The following KCNN3 variants were observed in gnomAD, a reference collection of about 807,000 sequenced individuals.
The protein encoded by KCNN3 is potassium calcium-activated channel subfamily N member 3, also known as small conductance calcium-activated potassium channel protein 3.
In KCNN3, 16 loss-of-function variants were observed where a neutral mutation model predicts 62.9. That is an observed-to-expected ratio of 0.25 (90% CI 0.17 to 0.39). KCNN3 has a LOEUF of 0.39. Ranked by LOEUF, KCNN3 falls within the 10% of genes least tolerant of loss-of-function variation. The pLI is 1.00. For missense variants in KCNN3, 599 were observed against 949.4 expected, an observed-to-expected ratio of 0.63 and a Z score of 4.85; for synonymous variants, 370 against 389.2, an observed-to-expected ratio of 0.95 and a Z score of 0.58.
intron 1 of KCNN3, among the ~76,000 whole-genome samples, chr1:154,845,461 G>A (rs763359629): frequency 8.5e-5 from 13 of 152,176 alleles, no homozygotes; most frequent in Non-Finnish European, 1.9e-4. Context: ...GCAGATCAGG[G>A]AGAGTGACTC....
At chr1:154,766,681 TTTG>T (rs1185451027) in intron 3 of KCNN3, among the ~76,000 whole-genome samples, 1 of 142,572 alleles carries the variant, frequency 7.0e-6, no homozygotes, top group South Asian at 2.2e-4. Flanking sequence ...TGTTTTGGGG[TTTG>T]TTTTTTTTTT....
In KCNN3 at chr1:154,699,788, C is replaced by T. The variant is rs1489196713; in HGVS notation, c.*8188G>A. 1 of 152,080 alleles carries T rather than the reference C, an allele frequency of 6.6e-6. No individual in the cohort carries two copies. Among genetic ancestry groups the T allele is most frequent in the Non-Finnish European group, 1.5e-5 (1 of 68,022 alleles). 9.4% of individuals were successfully genotyped at this position (152,080 alleles called of 1,614,324 possible). A position where few individuals can be genotyped will look rare whatever the true frequency, so the allele number is the denominator to read the frequency against. On this transcript the variant is annotated 3_prime_UTR_variant, in exon 8 of 8. Transcript: ENST00000271915. ...AGAACACAAGGATCGAGAAACACAA[C>T]AATTTCTGTACTATGCTAAGCAGAG...
intron 1 of KCNN3, among the ~76,000 whole-genome samples, chr1:154,854,005 G>A (rs1471012307): frequency 2.0e-5 from 3 of 152,010 alleles, no homozygotes; most frequent in Non-Finnish European, 4.4e-5. Flanking sequence ...GGAGGCCAAG[G>A]CAGGCAGATC....
intron 5 of KCNN3, among the ~76,000 whole-genome samples, chr1:154,718,193 T>C (rs1458964654): frequency 6.6e-6 from 1 of 152,180 alleles, no homozygotes; most frequent in African/African-American, 2.4e-5. Flanking sequence ...GAGGACCCTT[T>C]GTGAATGGAA....
intron 5 of KCNN3, among the ~76,000 whole-genome samples, chr1:154,720,985 C>T (rs944130618): frequency 6.6e-6 from 1 of 152,106 alleles, no homozygotes; most frequent in South Asian, 2.1e-4. Flanking sequence ...TTAGGCCTGG[C>T]GTCTGGAAGA....
chr1:154,715,393 G>A (rs574598447), intron 5 of KCNN3, among the ~76,000 whole-genome samples: 13 of 129,776 alleles, frequency 1.0e-4, no homozygotes, highest in Non-Finnish European at 1.7e-4. Flanking sequence ...CTGAGATCAC[G>A]CCATACTCCA....
At position 154,864,868 on chromosome 1, in the gene KCNN3, C is replaced by T. The variant is rs553503088; in HGVS notation, c.933+4164G>A. Among the ~76,000 whole-genome samples the T allele has an allele frequency of 1.2e-4, 19 of 152,130 alleles. 3 individuals are homozygous for T. The highest frequency in any genetic ancestry group is 4.1e-4 in the African/African-American group (17 of 41,494). On this transcript the variant is annotated intron_variant, in intron 1 of 7. Transcript: ENST00000271915. ...GAGAGATGCAGACCAGTTTCAAGGC[C>T]GGGCATGGGGAAGTGGCTTGAGGTT...
rs1252956526 is a variant in KCNN3 at position 154,869,825 on chromosome 1, G to T, written c.140C>A (p.Pro47Gln). 19 of 1,562,710 alleles carry T rather than the reference G, an allele frequency of 1.2e-5. No individual in the cohort carries two copies. Among genetic ancestry groups the T allele is most frequent in the Non-Finnish European group, 1.6e-5 (19 of 1,153,196 alleles). Reference sequence around the variant, plus strand: ...CAGGGGCTGCTGGGGGGCTGCTGGTGGCGCTGGCGGTGGTGGCTGCTGCTG... The same window carrying T: ...CAGGGGCTGCTGGGGGGCTGCTGGTTGCGCTGGCGGTGGTGGCTGCTGCTG... ...QQQQQPPPPA[P>Q]PAAPQQPLGP... Residue 47 changes from proline to glutamine, a missense_variant, in exon 1 of 8, where the codon CCA becomes CAA. Pro to Gln is a moderately conservative substitution (Grantham distance 76). Around this residue, in one of 7 missense-constraint regions of KCNN3, gnomAD observed 59 missense variants for 62.4 expected, o/e 0.95. Transcript: ENST00000271915. This position sits in a 1 kb window ranked among gnomAD's most constrained non-coding sequence, Gnocchi z 6.1.
intron 2 of KCNN3, among the ~76,000 whole-genome samples, chr1:154,784,893 G>C (rs551897842): frequency 1.3e-5 from 2 of 152,248 alleles, no homozygotes; most frequent in Non-Finnish European, 2.9e-5. Flanking sequence ...AGGTCATACA[G>C]TTAATAAGGG....
In KCNN3 at chr1:154,702,326, T is replaced by C. The variant is rs1200705982; in HGVS notation, c.*5650A>G. The C allele has an allele frequency of 6.6e-6, 1 of 151,336 alleles. No homozygotes were observed. Among genetic ancestry groups the C allele is most frequent in the Non-Finnish European group, 1.5e-5 (1 of 67,592 alleles). The allele number at this position is 151,336 out of a possible 1,614,324, so 9.4% of individuals were successfully genotyped here. ...TACAATATATTTTATAATATATCAA[T>C]ATATTTCATATTTAAAATAAACTGT... On this transcript the variant is annotated 3_prime_UTR_variant, in exon 8 of 8. Coordinates refer to ENST00000271915, the MANE Select transcript of KCNN3 (RefSeq NM_002249.6).
intron 2 of KCNN3, among the ~76,000 whole-genome samples, chr1:154,819,412 C>T (rs1316840156): frequency 6.6e-6 from 1 of 152,200 alleles, no homozygotes; most frequent in Non-Finnish European, 1.5e-5. Context: ...GAAGAGTATA[C>T]TGTCAGACAC....
chr1:154,699,814 A>G lies in KCNN3; in HGVS notation c.*8162T>C, dbSNP rs1699815700. 6.6e-6 allele frequency: 1 copy of G among 151,578 alleles called. No homozygotes were observed. The highest frequency in any genetic ancestry group is 2.1e-4 in the South Asian group (1 of 4,808). 9.4% of individuals were successfully genotyped at this position (151,578 alleles called of 1,614,324 possible). ...AATTTCTGTACTATGCTAAGCAGAG[A>G]CTCCTGTAGCCTTCCAGAGGACCTG... On this transcript the variant is annotated 3_prime_UTR_variant, in exon 8 of 8. Coordinates refer to ENST00000271915, the MANE Select transcript of KCNN3 (RefSeq NM_002249.6).
chr1:154,793,158 T>C (rs1649589509), intron 2 of KCNN3, among the ~76,000 whole-genome samples: 1 of 152,180 alleles, frequency 6.6e-6, no homozygotes, highest in African/African-American at 2.4e-5. Context: ...ATAAATCATG[T>C]GCCAAGTGAG....
intron 7 of KCNN3, among the ~76,000 whole-genome samples, chr1:154,712,029 A>T (rs1700088189): frequency 1.3e-5 from 2 of 151,902 alleles, no homozygotes; most frequent in East Asian, 3.9e-4. Context: ...AGAGAGAGAC[A>T]GGGAAAGGGA....
chr1:154,831,641 T>C (rs1256846223), intron 1 of KCNN3, among the ~76,000 whole-genome samples: 1 of 152,140 alleles, frequency 6.6e-6, no homozygotes, highest in African/African-American at 2.4e-5. Context: ...CAGTGCCCCA[T>C]GAGTCTCCTA....
intron 3 of KCNN3, among the ~76,000 whole-genome samples, chr1:154,735,737 G>C (rs1700700009): frequency 6.6e-6 from 1 of 152,220 alleles, no homozygotes. Flanking sequence ...TGCCCTGCTA[G>C]GCCCTCAGGT....
intron 2 of KCNN3, among the ~76,000 whole-genome samples, chr1:154,800,674 G>C (rs1026359787): frequency 1.3e-5 from 2 of 152,102 alleles, no homozygotes; most frequent in Non-Finnish European, 2.9e-5. Flanking sequence ...TGACTTCCTG[G>C]GGGCCCATTA....
At chr1:154,749,805 A>G in intron 3 of KCNN3, among the ~76,000 whole-genome samples, 1 of 152,064 alleles carries the variant, frequency 6.6e-6, no homozygotes, top group East Asian at 1.9e-4. Context: ...GAGGACAGGG[A>G]TATGCACAAT....
intron 7 of KCNN3, among the ~76,000 whole-genome samples, chr1:154,710,348 G>A (rs1221614277): frequency 2.6e-5 from 4 of 152,192 alleles, no homozygotes; most frequent in Admixed American, 2.0e-4. Context: ...AGTGTGAAGT[G>A]TGCTAAGCTG....
Sources: allele counts gnomAD v4.1 joint callset (sites outside exome capture counted in the v4.1 genomes callset), GRCh38; gene constraint gnomAD v4.1.1; regional missense constraint gnomAD v4.1.1; non-coding constraint Gnocchi (gnomAD v3.1); transcripts MANE v1.5; gene names NCBI Gene and HGNC (gene_info 2026-07-23, HGNC 2026-07-21).